MINDY3: variants seen among roughly 807,000 people sequenced by gnomAD.
The protein encoded by MINDY3 is ubiquitin carboxyl-terminal hydrolase MINDY-3.
In MINDY3, 38 loss-of-function variants were observed where a neutral mutation model predicts 69.2. The ratio of observed to expected loss-of-function variants is 0.55; its 90% CI spans 0.42 to 0.72. The LOEUF (loss-of-function observed/expected upper bound fraction) is 0.72, where lower values mean the gene tolerates loss of function less well. Ranked by LOEUF, MINDY3 falls within the 30% of genes least tolerant of loss-of-function variation. The probability of loss-of-function intolerance (pLI) is 0.00; values close to 1 mark genes in which losing one functional copy is unlikely to be tolerated. For missense variants in MINDY3, 522 were observed against 519.0 expected (o/e 1.01, Z -0.06); for synonymous variants, 192 against 180.1 (o/e 1.07, Z -0.53).
intron 8 of MINDY3, among the ~76,000 whole-genome samples, chr10:15,824,902 T>G (rs1300420176): frequency 1.3e-5 from 2 of 152,224 alleles, no homozygotes; most frequent in Non-Finnish European, 2.9e-5. Context: ...TAAAAATGTA[T>G]TATGCCTGTT....
At position 15,781,366 on chromosome 10, in the gene MINDY3, T is replaced by C. The variant is rs546931091; in HGVS notation, c.1188+789A>G. On this transcript the variant is annotated intron_variant, in intron 14 of 14. Coordinates refer to ENST00000277632, the MANE Select transcript of MINDY3 (RefSeq NM_024948.4). ...AATTAAAAAGGAATGTTAGACCTTA[T>C]TCCTTTAATATTAGCTATAACTAAT... Among the ~76,000 whole-genome samples the C allele has an allele frequency of 8.0e-5, 12 of 149,776 alleles. No homozygotes were observed. The East Asian group carries it at 2.3e-3, about 29-fold the overall frequency.
intron 10 of MINDY3, among the ~76,000 whole-genome samples, chr10:15,799,214 T>A (rs1055721189): frequency 2.0e-5 from 3 of 152,182 alleles, no homozygotes; most frequent in East Asian, 1.9e-4. Flanking sequence ...TTATTTATTT[T>A]TTTTAGATGG....
intron 10 of MINDY3, among the ~76,000 whole-genome samples, chr10:15,803,668 G>T (rs147904799): frequency 4.5e-4 from 68 of 152,088 alleles, no homozygotes; most frequent in African/African-American, 1.6e-3. Context: ...TTAATAGATG[G>T]TAGAGAAAAA....
At chr10:15,842,460 T>G (rs1002196756) in intron 3 of MINDY3, among the ~76,000 whole-genome samples, 3 of 151,872 alleles carry the variant, frequency 2.0e-5, no homozygotes, top group African/African-American at 4.8e-5. Flanking sequence ...GTATCTCAAA[T>G]AGTTTCTTCT....
At chr10:15,832,287 A>T (rs1480558195) in intron 8 of MINDY3, among the ~76,000 whole-genome samples, 3 of 152,154 alleles carry the variant, frequency 2.0e-5, no homozygotes, top group African/African-American at 7.2e-5. Flanking sequence ...AAGTTCAGCA[A>T]GAACCTATTG....
chr10:15,820,439 C>T (rs1250574226), intron 9 of MINDY3, among the ~76,000 whole-genome samples: 1 of 152,192 alleles, frequency 6.6e-6, no homozygotes, highest in Non-Finnish European at 1.5e-5. Flanking sequence ...CATGCGTGCA[C>T]ATCCCACTTG....
Position 15,786,652 on chromosome 10 carries a change from CG to C in MINDY3, c.1029-5del. 6.6e-7 allele frequency: 1 copy of C among 1,522,646 alleles called. No homozygotes were observed. Among genetic ancestry groups the C allele is most frequent in the Admixed American group, 1.8e-5 (1 of 55,712 alleles). The allele number at this position is 1,522,646 out of a possible 1,614,324, so 94.3% of individuals were successfully genotyped here. A position where few individuals can be genotyped will look rare whatever the true frequency, so the allele number is the denominator to read the frequency against. On this transcript the variant is annotated splice_region_variant and splice_polypyrimidine_tract_variant and intron_variant, in intron 12 of 14. Transcript: ENST00000277632. The stretch of plus-strand genomic sequence containing the variant: ...TTTATTCTTCATGAGATTTATACTA[CG>C]GGGAGAAAGAAGAAAAACAGTGGAT...
At chr10:15,832,155 C>T (rs1009921627) in intron 8 of MINDY3, among the ~76,000 whole-genome samples, 1 of 152,116 alleles carries the variant, frequency 6.6e-6, no homozygotes, top group South Asian at 2.1e-4. Flanking sequence ...ATGAACCACA[C>T]TGATGAGTAC....
At chr10:15,783,369 A>G (rs551458489) in intron 13 of MINDY3, among the ~76,000 whole-genome samples, 9 of 152,232 alleles carry the variant, frequency 5.9e-5, no homozygotes, top group East Asian at 3.9e-4. Context: ...CTTATCTCCA[A>G]CTACTCACCT....
intron 1 of MINDY3, among the ~76,000 whole-genome samples, chr10:15,852,952 A>T (rs1216738748): frequency 1.3e-5 from 2 of 152,194 alleles, no homozygotes; most frequent in African/African-American, 4.8e-5. Flanking sequence ...TTTACAGTGT[A>T]TTAGGTATTG....
chr10:15,784,172 G>A (rs564524547), intron 13 of MINDY3, among the ~76,000 whole-genome samples: 1 of 152,320 alleles, frequency 6.6e-6, no homozygotes, highest in South Asian at 2.1e-4. Context: ...AAATGGGGAA[G>A]ATAATAGTAT....
intron 8 of MINDY3, among the ~76,000 whole-genome samples, chr10:15,827,175 G>GTA (rs1247479668): frequency 4.2e-5 from 1 of 23,672 alleles, no homozygotes; most frequent in Non-Finnish European, 6.7e-5. Flanking sequence ...TATAACAGGA[G>GTA]TAAAAAAAAA....
rs10716234 is a variant in MINDY3 at position 15,831,673 on chromosome 10, CTTTT to C, written c.730+1953_730+1956del. On this transcript the variant is annotated intron_variant, in intron 8 of 14. Transcript: ENST00000277632. ...AGAGCTGCCTAAGGAGCCTCCTTTT[CTTTT>C]TTTTTTTTTTTTTTTTGAGATGGAG... Among the ~76,000 whole-genome samples, 541 of 121,348 alleles carry C rather than the reference CTTTT, an allele frequency of 4.5e-3. 6 individuals carry two copies. Among genetic ancestry groups the C allele is most frequent in the African/African-American group, 0.017 (517 of 29,620 alleles). The allele number at this position is 121,348 out of a possible 152,430, so 79.6% of individuals were successfully genotyped here.
chr10:15,785,309 G>A (rs557383863), intron 13 of MINDY3, among the ~76,000 whole-genome samples: 8 of 152,104 alleles, frequency 5.3e-5, no homozygotes, highest in Non-Finnish European at 1.2e-4. Context: ...TGTTACAGGC[G>A]AAAGAGAAGG....
intron 1 of MINDY3, among the ~76,000 whole-genome samples, chr10:15,856,863 C>A (rs1834726924): frequency 1.3e-5 from 2 of 152,208 alleles, no homozygotes; most frequent in Admixed American, 1.3e-4. Context: ...TTCTTACCAT[C>A]TCCACTACCA....
chr10:15,789,443 C>T (rs950356152), intron 11 of MINDY3, 124 bp from the exon 12 acceptor site: 1 of 637,578 alleles, frequency 1.6e-6, no homozygotes, highest in African/African-American at 1.8e-5. Context: ...CATACTATTC[C>T]TTAAGTTTAT....
chr10:15,836,370 C>T (rs556339500), intron 6 of MINDY3, among the ~76,000 whole-genome samples: 3 of 152,030 alleles, frequency 2.0e-5, no homozygotes, highest in East Asian at 1.9e-4. Flanking sequence ...GAAGACCAAA[C>T]GCCAAAACAC....
Position 15,841,373 on chromosome 10 carries a change from C to A in MINDY3, c.409+53G>T. The A allele has an allele frequency of 4.3e-6, 6 of 1,384,128 alleles. No individual in the cohort carries two copies. In the East Asian group the frequency reaches 1.2e-4, roughly 27 times the overall value. The allele number at this position is 1,384,128 out of a possible 1,614,324, so 85.7% of individuals were successfully genotyped here. A position where few individuals can be genotyped will look rare whatever the true frequency, so the allele number is the denominator to read the frequency against. ...TTTTCTTCAAAATATTCAATAGATT[C>A]ATTAAAACAAAGGAACAAGAAAAAA... On this transcript the variant is annotated intron_variant, in intron 4 of 14. Coordinates refer to ENST00000277632, the MANE Select transcript of MINDY3 (RefSeq NM_024948.4).
intron 11 of MINDY3, among the ~76,000 whole-genome samples, chr10:15,792,945 T>C (rs1837531901): frequency 6.6e-6 from 1 of 152,062 alleles, no homozygotes; most frequent in Non-Finnish European, 1.5e-5. Flanking sequence ...TGACTAATCA[T>C]ATAAAGTTAC....
Sources: gnomAD v4.1 joint callset for allele counts (sites outside exome capture counted in the v4.1 genomes callset) on GRCh38, gnomAD v4.1.1 for gene constraint, MANE v1.5 for transcripts, NCBI Gene and HGNC (gene_info 2026-07-23, HGNC 2026-07-21) for gene names.